The following RHOA variants were observed in gnomAD, a reference collection of about 807,000 sequenced individuals.
RHOA encodes the protein ras homolog family member A.
In RHOA, 3 loss-of-function variants were observed where a neutral mutation model predicts 17.5. That is an observed-to-expected ratio of 0.17 (90% confidence interval 0.08 to 0.44). The LOEUF (loss-of-function observed/expected upper bound fraction) is 0.44. Ranked by LOEUF, RHOA falls within the 20% of genes least tolerant of loss-of-function variation. The pLI is 0.99. For synonymous variants in RHOA, 98 were observed against 88.4 expected (o/e 1.11, Z -0.61); for missense variants, 56 against 242.3 (o/e 0.23, Z 5.10).
chr3:49,400,085 G>A (rs1173130575), intron 1 of RHOA, among the ~76,000 whole-genome samples: 1 of 151,760 alleles, frequency 6.6e-6, no homozygotes, highest in Non-Finnish European at 1.5e-5. Context: ...GGTGGCACGT[G>A]CTTGTAATCC....
chr3:49,362,933 C>CCG (rs1480615815), intron 3 of RHOA, among the ~76,000 whole-genome samples: 7 of 152,202 alleles, frequency 4.6e-5, no homozygotes, highest in Non-Finnish European at 1.0e-4. Flanking sequence ...GGGGCACTTC[C>CCG]TGCCCCACAA....
intron 1 of RHOA, among the ~76,000 whole-genome samples, chr3:49,388,378 TAGAA>T (rs1009917645): frequency 3.9e-5 from 6 of 152,116 alleles, no homozygotes; most frequent in Non-Finnish European, 8.8e-5. Flanking sequence ...AGCTCTGCTA[TAGAA>T]AGAATGATAG....
At chr3:49,399,691 G>GC (rs1450623004) in intron 1 of RHOA, among the ~76,000 whole-genome samples, 1 of 151,702 alleles carries the variant, frequency 6.6e-6, no homozygotes, top group Non-Finnish European at 1.5e-5. Flanking sequence ...GCTCCCCTCA[G>GC]CTGCCCCAAG....
At chr3:49,373,291 C>G (rs1295190754) in intron 2 of RHOA, 1 of 242,712 alleles carries the variant, frequency 4.1e-6, no homozygotes, top group South Asian at 3.4e-5. Context: ...TTGTTGTAAA[C>G]CAAGATCATG....
At chr3:49,405,005 T>A (rs1180336418) in intron 1 of RHOA, among the ~76,000 whole-genome samples, 1 of 149,036 alleles carries the variant, frequency 6.7e-6, no homozygotes, top group Admixed American at 6.7e-5. Context: ...CCCAACACTT[T>A]GGGAGGCGGA....
chr3:49,403,965 AC>A lies in RHOA; in HGVS notation c.-3+7854del, dbSNP rs1486776507. Among the ~76,000 whole-genome samples the A allele has an allele frequency of 2.7e-5, 4 of 150,608 alleles. No homozygotes were observed. The East Asian group carries it at 5.8e-4, about 22-fold the overall frequency. ...GTGCTACTCCCACTACCCTCCCACC[AC>A]CCCCGAAAAAAGGTACTACAAACTG... On this transcript the variant is annotated intron_variant, in intron 1 of 4. Coordinates refer to ENST00000418115, the MANE Select transcript of RHOA (RefSeq NM_001664.4).
chr3:49,361,097 A>C (rs1053969508), intron 4 of RHOA: 21 of 176,110 alleles, frequency 1.2e-4, no homozygotes, highest in South Asian at 1.6e-4. Context: ...AAAAAAAAAA[A>C]ACAACAAACT....
At chr3:49,398,360 A>G (rs780721385) in intron 1 of RHOA, among the ~76,000 whole-genome samples, 20 of 152,028 alleles carry the variant, frequency 1.3e-4, no homozygotes, top group Non-Finnish European at 2.4e-4. Context: ...CAAAAAAAAA[A>G]AGTAAGATCT....
intron 1 of RHOA, among the ~76,000 whole-genome samples, chr3:49,399,867 AG>A (rs1258906493): frequency 6.6e-6 from 1 of 152,144 alleles, no homozygotes; most frequent in Non-Finnish European, 1.5e-5. Context: ...GATTACATCA[AG>A]GGGGTAAGAA....
At chr3:49,370,676 A>G (rs2048134720) in intron 2 of RHOA, among the ~76,000 whole-genome samples, 1 of 152,158 alleles carries the variant, frequency 6.6e-6, no homozygotes, top group African/African-American at 2.4e-5. Context: ...CCTGTGGTAG[A>G]AGGGTAAACT....
chr3:49,379,510 A>T (rs933544430), intron 1 of RHOA, among the ~76,000 whole-genome samples: 3 of 152,096 alleles, frequency 2.0e-5, no homozygotes, highest in Admixed American at 6.6e-5. Flanking sequence ...AGTATATATA[A>T]TTCACACATT....
chr3:49,405,939 C>A (rs6773518), intron 1 of RHOA, among the ~76,000 whole-genome samples: 66,341 of 151,924 alleles, frequency 0.44, 15,786 homozygotes, highest in East Asian at 0.93. Flanking sequence ...CCCACCTCGG[C>A]CTCCCAAAGT....
intron 1 of RHOA, among the ~76,000 whole-genome samples, chr3:49,399,678 T>C (rs932401114): frequency 3.3e-5 from 5 of 151,792 alleles, no homozygotes; most frequent in Non-Finnish European, 7.4e-5. Context: ...CTAGAACTCC[T>C]GGGCTCCCCT....
intron 2 of RHOA, among the ~76,000 whole-genome samples, chr3:49,369,263 T>C (rs1309711226): frequency 6.9e-6 from 1 of 144,244 alleles, no homozygotes; most frequent in Non-Finnish European, 1.5e-5. Context: ...GACCTCGTGA[T>C]CCGCCTGCCT....
intron 2 of RHOA, 36 bp from the exon 3 acceptor site, chr3:49,368,584 T>A: frequency 6.2e-7 from 1 of 1,613,152 alleles, no homozygotes; most frequent in Non-Finnish European, 8.5e-7. Context: ...AGTGCAAGGT[T>A]AATCCCCCCA....
In RHOA at chr3:49,359,191, G is replaced by A. The variant is rs765764554; in HGVS notation, c.*1018C>T. The A allele has an allele frequency of 7.5e-5, 14 of 186,084 alleles. No individual in the cohort carries two copies. The highest frequency in any genetic ancestry group is 3.1e-4 in the Admixed American group (5 of 16,048). 11.5% of individuals were successfully genotyped at this position (186,084 alleles called of 1,614,324 possible). A position where few individuals can be genotyped will look rare whatever the true frequency, so the allele number is the denominator to read the frequency against. On this transcript the variant is annotated 3_prime_UTR_variant, in exon 5 of 5. Coordinates refer to ENST00000418115, the MANE Select transcript of RHOA (RefSeq NM_001664.4). ...TATTAGTAGTTGGAAAAATTAACTG[G>A]TACAGAAAAAAAGTTTAGTCAGCTG...
intron 2 of RHOA, among the ~76,000 whole-genome samples, chr3:49,374,218 G>A (rs1284745048): frequency 6.6e-6 from 1 of 152,100 alleles, no homozygotes; most frequent in East Asian, 1.9e-4. Flanking sequence ...GTCTGGTGGT[G>A]GACACCTGTA....
intron 1 of RHOA, among the ~76,000 whole-genome samples, chr3:49,407,597 T>C (rs2048855787): frequency 6.6e-6 from 1 of 152,142 alleles, no homozygotes; most frequent in African/African-American, 2.4e-5. Context: ...AGAATGGAAT[T>C]AGATCTACTC....
chr3:49,360,983 G>A lies in RHOA; in HGVS notation c.409-601C>T, dbSNP rs1027778742. The A allele has an allele frequency of 1.7e-4, 51 of 301,268 alleles. 1 individual carries two copies. The Admixed American group carries it at 2.1e-3, about 12-fold the overall frequency. The allele number at this position is 301,268 out of a possible 1,614,324, so 18.7% of individuals were successfully genotyped here. A position where few individuals can be genotyped will look rare whatever the true frequency, so the allele number is the denominator to read the frequency against. On this transcript the variant is annotated intron_variant, in intron 4 of 4. Transcript: ENST00000418115. ...AGCTACTCAGGAGGCTGAGGCAGGG[G>A]AATCGCTTAAATCTGGGAGGCGGAG...
Sources: allele counts gnomAD v4.1 joint callset (sites outside exome capture counted in the v4.1 genomes callset), GRCh38; gene constraint gnomAD v4.1.1; transcripts MANE v1.5; gene names NCBI Gene and HGNC (gene_info 2026-07-23, HGNC 2026-07-21).